The following CCDC102B variants were observed in gnomAD, a reference collection of about 807,000 sequenced individuals.
CCDC102B encodes coiled-coil domain-containing protein 102B.
Under a neutral mutation model 57.4 loss-of-function variants are expected in CCDC102B, and 75 were observed. The ratio of observed to expected loss-of-function variants is 1.31; its 90% CI spans 1.08 to 1.58. The LOEUF (loss-of-function observed/expected upper bound fraction) is 1.58, where lower values mean the gene tolerates loss of function less well. Ranked by LOEUF, CCDC102B falls within the 40% of genes most tolerant of loss-of-function variation. The pLI, the probability that CCDC102B is intolerant of heterozygous loss-of-function variation, is 0.00. For synonymous variants in CCDC102B, 206 were observed against 201.9 expected, an observed-to-expected ratio of 1.02 and a Z score of -0.17; for missense variants, 636 against 582.6, an observed-to-expected ratio of 1.09 and a Z score of -0.94.
chr18:68,840,166 A>G (rs79729415), intron 3 of CCDC102B, among the ~76,000 whole-genome samples: 7,669 of 152,280 alleles, frequency 0.05, 665 homozygotes, highest in African/African-American at 0.17. Context: ...AAATCTAAAA[A>G]TAATTATTTT....
intron 6 of CCDC102B, among the ~76,000 whole-genome samples, chr18:68,914,733 G>A (rs981471660): frequency 6.6e-6 from 1 of 152,114 alleles, no homozygotes; most frequent in East Asian, 1.9e-4. Flanking sequence ...TTAAATGTGT[G>A]TATAGCTCAC....
At chr18:69,009,965 T>C (rs1184329038) in intron 6 of CCDC102B, among the ~76,000 whole-genome samples, 5 of 122,684 alleles carry the variant, frequency 4.1e-5, no homozygotes, top group African/African-American at 1.6e-4. Context: ...GGAGCCTTGC[T>C]CTGTCGCCCG....
intron 7 of CCDC102B, among the ~76,000 whole-genome samples, chr18:69,049,982 G>A (rs1040709882): frequency 7.9e-5 from 12 of 152,116 alleles, no homozygotes; most frequent in African/African-American, 2.7e-4. Context: ...GCTAATTTTT[G>A]TATTTTTAGT....
chr18:69,019,508 T>C (rs2051766452), intron 7 of CCDC102B, among the ~76,000 whole-genome samples: 1 of 152,054 alleles, frequency 6.6e-6, no homozygotes, highest in Admixed American at 6.5e-5. Context: ...TTGTTTTTTA[T>C]TTAATTTCTT....
upstream of CCDC102B, among the ~76,000 whole-genome samples, chr18:68,795,694 C>T (rs978246747): frequency 6.6e-6 from 1 of 152,146 alleles, no homozygotes; most frequent in Non-Finnish European, 1.5e-5. Context: ...CCCCCTCACC[C>T]AGTATGGCCT....
At chr18:68,882,946 T>C (rs2039744838) in intron 5 of CCDC102B, among the ~76,000 whole-genome samples, 1 of 152,014 alleles carries the variant, frequency 6.6e-6, no homozygotes, top group African/African-American at 2.4e-5. Flanking sequence ...TAAGAACACA[T>C]GGACACGTAG....
At chr18:68,823,802 G>A (rs1362208142) in intron 1 of CCDC102B, among the ~76,000 whole-genome samples, 1 of 152,102 alleles carries the variant, frequency 6.6e-6, no homozygotes, top group Non-Finnish European at 1.5e-5. Context: ...TTTCCCTGAT[G>A]GTTAGTGATA....
intron 6 of CCDC102B, among the ~76,000 whole-genome samples, chr18:68,961,016 G>A (rs939919776): frequency 2.2e-4 from 33 of 152,042 alleles, no homozygotes; most frequent in African/African-American, 7.7e-4. Context: ...ATAAATTCCA[G>A]TTGGCTTCTT....
chr18:68,840,646 C>A (rs537460820), intron 3 of CCDC102B, among the ~76,000 whole-genome samples: 1 of 152,248 alleles, frequency 6.6e-6, no homozygotes, highest in African/African-American at 2.4e-5. Context: ...ATTCTAATCT[C>A]CGTGGTTTTA....
intron 6 of CCDC102B, among the ~76,000 whole-genome samples, chr18:68,915,986 C>A (rs905811587): frequency 2.0e-5 from 3 of 151,872 alleles, no homozygotes; most frequent in African/African-American, 7.3e-5. Flanking sequence ...GAATATTAAG[C>A]CTTATTTTTA....
Position 68,746,748 on chromosome 18 carries a change from A to G in CCDC102B, c.-67+30154A>G, listed in dbSNP as rs1033877874. Among the ~76,000 whole-genome samples the G allele has an allele frequency of 1.1e-4, 16 of 151,894 alleles. No individual in the cohort carries two copies. The East Asian group carries it at 1.4e-3, about 13-fold the overall frequency. ...GGTTATCATCTTTTTTTTTTAAAAA[A>G]TGATAGTTTTATTAAAATATAATTG... On this transcript the variant is annotated intron_variant, in intron 2 of 3. Coordinates refer to the CCDC102B transcript ENST00000578970.
intron 3 of CCDC102B, among the ~76,000 whole-genome samples, chr18:68,839,721 C>G (rs902550564): frequency 1.1e-4 from 17 of 152,128 alleles, no homozygotes; most frequent in Admixed American, 5.9e-4. Context: ...GTTGGGACAC[C>G]TGCACTGGGG....
chr18:68,775,222 C>G (rs762327218), intron 2 of CCDC102B, among the ~76,000 whole-genome samples: 5 of 151,738 alleles, frequency 3.3e-5, no homozygotes, highest in Admixed American at 1.3e-4. Context: ...AATGAATGAC[C>G]TTCTTATACA....
intron 2 of CCDC102B, among the ~76,000 whole-genome samples, chr18:68,792,605 C>A (rs1470477742): frequency 6.6e-6 from 1 of 152,140 alleles, no homozygotes; most frequent in Non-Finnish European, 1.5e-5. Flanking sequence ...ACTGTTTTAG[C>A]ACTTATATCC....
intron 2 of CCDC102B, among the ~76,000 whole-genome samples, chr18:68,719,208 G>A (rs550245025): frequency 6.6e-6 from 1 of 152,248 alleles, no homozygotes; most frequent in East Asian, 1.9e-4. Context: ...TAAAATATGT[G>A]CTACCAATCT....
At chr18:69,023,601 C>A (rs1471739324) in intron 7 of CCDC102B, among the ~76,000 whole-genome samples, 1 of 151,722 alleles carries the variant, frequency 6.6e-6, no homozygotes, top group African/African-American at 2.4e-5. Flanking sequence ...TTAAGCCTTA[C>A]CACAATCTTG....
At chr18:68,728,000 A>T (rs1422528947) in intron 2 of CCDC102B, among the ~76,000 whole-genome samples, 1 of 152,202 alleles carries the variant, frequency 6.6e-6, no homozygotes, top group African/African-American at 2.4e-5. Context: ...ATCAAAGTAA[A>T]TCATACTGTT....
intron 6 of CCDC102B, among the ~76,000 whole-genome samples, chr18:68,960,935 T>G (rs796184246): frequency 1.4e-4 from 22 of 152,302 alleles, no homozygotes; most frequent in African/African-American, 5.3e-4. Context: ...CTTTCCTTAA[T>G]ATGATGTGTT....
At chr18:68,850,335 C>T (rs2038064137) in intron 4 of CCDC102B, among the ~76,000 whole-genome samples, 1 of 152,018 alleles carries the variant, frequency 6.6e-6, no homozygotes, top group South Asian at 2.1e-4. Context: ...GAGAGTTTGG[C>T]TTACATCGGG....
Sources: allele counts gnomAD v4.1 joint callset (sites outside exome capture counted in the v4.1 genomes callset), GRCh38; gene constraint gnomAD v4.1.1; transcripts MANE v1.5; gene names NCBI Gene and HGNC (gene_info 2026-07-23, HGNC 2026-07-21).